DRC8: variants seen among roughly 807,000 people sequenced by gnomAD.
The protein encoded by DRC8 is dynein regulatory complex protein 8.
At chr1:245,121,086 C>T in the DRC8 span, among the ~76,000 whole-genome samples, 2 of 152,102 alleles carry the variant, frequency 1.3e-5, no homozygotes, top group African/African-American at 4.8e-5. Flanking sequence ...GTTTTGAAAC[C>T]TTTGTATATT....
the DRC8 span, among the ~76,000 whole-genome samples, chr1:245,068,585 G>A: frequency 1.3e-5 from 2 of 151,826 alleles, no homozygotes; most frequent in East Asian, 3.9e-4. Context: ...GGTACTACAG[G>A]TATATGCCAC....
the DRC8 span, among the ~76,000 whole-genome samples, chr1:244,983,315 G>A: frequency 6.6e-6 from 1 of 152,080 alleles, no homozygotes; most frequent in East Asian, 1.9e-4. Context: ...TATTGAATAT[G>A]GTTTTATGTC....
the DRC8 span, among the ~76,000 whole-genome samples, chr1:245,003,082 G>A: frequency 1.3e-5 from 2 of 152,152 alleles, no homozygotes; most frequent in African/African-American, 4.8e-5. Context: ...TTAGTATAAT[G>A]TCTTCAAGGT....
At chr1:245,073,653 GTAAA>G in the DRC8 span, among the ~76,000 whole-genome samples, 1 of 144,768 alleles carries the variant, frequency 6.9e-6, no homozygotes, top group Non-Finnish European at 1.5e-5. Context: ...ACAGTGTTAA[GTAAA>G]TAAAAAAAGA....
the DRC8 span, among the ~76,000 whole-genome samples, chr1:245,078,616 T>C: frequency 1.4e-4 from 21 of 152,048 alleles, no homozygotes; most frequent in African/African-American, 4.6e-4. Context: ...TGTTACATTT[T>C]CAAAAGTCAA....
chr1:245,048,588 C>T, the DRC8 span, among the ~76,000 whole-genome samples: 1 of 151,832 alleles, frequency 6.6e-6, no homozygotes, highest in Non-Finnish European at 1.5e-5. Context: ...GCCCTGAACT[C>T]CTGCACACTT....
At chr1:245,118,527 C>T in the DRC8 span, among the ~76,000 whole-genome samples, 1 of 152,206 alleles carries the variant, frequency 6.6e-6, no homozygotes, top group Non-Finnish European at 1.5e-5. Context: ...CGCAGTGGCT[C>T]ACGCCTGTAA....
At chr1:244,977,552 C>T in the DRC8 span, among the ~76,000 whole-genome samples, 1 of 152,048 alleles carries the variant, frequency 6.6e-6, no homozygotes, top group Non-Finnish European at 1.5e-5. Context: ...ATAAAGAAGT[C>T]GGGGGTTCCC....
the DRC8 span, among the ~76,000 whole-genome samples, chr1:245,047,815 TA>T: frequency 7.9e-5 from 12 of 151,278 alleles, no homozygotes; most frequent in South Asian, 2.5e-3. Context: ...CTACTAAAAA[TA>T]AAAAAATAAA....
chr1:245,069,958 T>C, the DRC8 span, among the ~76,000 whole-genome samples: 13 of 152,042 alleles, frequency 8.6e-5, no homozygotes, highest in Admixed American at 5.9e-4. Flanking sequence ...GACAGGAGGG[T>C]CACTTTTGCC....
At chr1:244,995,410 T>G in the DRC8 span, among the ~76,000 whole-genome samples, 4 of 151,972 alleles carry the variant, frequency 2.6e-5, no homozygotes, top group Non-Finnish European at 5.9e-5. Flanking sequence ...CAGGCTGGAT[T>G]GCAGTGGTGC....
At chr1:244,997,194 AT>A in the DRC8 span, among the ~76,000 whole-genome samples, 1 of 151,790 alleles carries the variant, frequency 6.6e-6, no homozygotes, top group Non-Finnish European at 1.5e-5. Context: ...TGACCTTTTT[AT>A]TTTTTTTAAC....
the DRC8 span, chr1:244,970,554 C>T: frequency 7.1e-7 from 1 of 1,402,082 alleles, no homozygotes; most frequent in Non-Finnish European, 9.4e-7. Context: ...TTCCCACCCG[C>T]AGGGAAAGGG....
At chr1:245,058,515 T>G in the DRC8 span, among the ~76,000 whole-genome samples, 1 of 152,170 alleles carries the variant, frequency 6.6e-6, no homozygotes, top group East Asian at 1.9e-4. Context: ...AGGGAGTAAA[T>G]ATAATACCAC....
At chr1:245,052,812 GC>G in the DRC8 span, among the ~76,000 whole-genome samples, 1 of 152,228 alleles carries the variant, frequency 6.6e-6, no homozygotes, top group African/African-American at 2.4e-5. Flanking sequence ...GACGGTAAGT[GC>G]TGGAGGGAGC....
At chr1:245,058,171 A>T in the DRC8 span, among the ~76,000 whole-genome samples, 1 of 152,108 alleles carries the variant, frequency 6.6e-6, no homozygotes, top group Non-Finnish European at 1.5e-5. Flanking sequence ...AGTTTTGGGA[A>T]GTCAAGGCTG....
the DRC8 span, among the ~76,000 whole-genome samples, chr1:244,976,128 G>T: frequency 1.3e-5 from 2 of 151,944 alleles, no homozygotes; most frequent in African/African-American, 4.8e-5. Flanking sequence ...AATTAGTTGG[G>T]TGTGGTGGTG....
the DRC8 span, among the ~76,000 whole-genome samples, chr1:244,977,275 GT>G: frequency 6.6e-6 from 1 of 152,136 alleles, no homozygotes; most frequent in East Asian, 1.9e-4. Context: ...AATACAGTAA[GT>G]TTTACATTAT....
chr1:244,987,128 G>A, the DRC8 span, among the ~76,000 whole-genome samples: 1 of 152,016 alleles, frequency 6.6e-6, no homozygotes, highest in Non-Finnish European at 1.5e-5. Context: ...GTAGATGGTA[G>A]CTGATCAACA....
Sources: gnomAD v4.1 joint callset for allele counts (sites outside exome capture counted in the v4.1 genomes callset) on GRCh38, gnomAD v4.1.1 for gene constraint, MANE v1.5 for transcripts, NCBI Gene and HGNC (gene_info 2026-07-23, HGNC 2026-07-21) for gene names.